The following RRAGB variants were observed in gnomAD, a reference collection of about 807,000 sequenced individuals.
The protein encoded by RRAGB is Ras related GTP binding B.
Under a neutral mutation model 29.3 loss-of-function variants are expected in RRAGB, and 6 were observed. The observed-to-expected ratio is 0.21, with a 90% CI of 0.11 to 0.40. The LOEUF (loss-of-function observed/expected upper bound fraction) is 0.40, where lower values mean the gene tolerates loss of function less well. Among genes scored for constraint, RRAGB ranks in the 10% least tolerant of loss-of-function variants. The probability of loss-of-function intolerance (pLI) is 1.00; values close to 1 mark genes in which losing one functional copy is unlikely to be tolerated. For missense variants in RRAGB, 184 were observed against 272.9 expected, an observed-to-expected ratio of 0.67 and a Z score of 2.29; for synonymous variants, 101 against 92.5, an observed-to-expected ratio of 1.09 and a Z score of -0.53.
intron 2 of RRAGB, among the ~76,000 whole-genome samples, chrX:55,721,881 G>A (rs757520442): frequency 8.9e-6 from 1 of 112,143 alleles, no homozygotes; most frequent in East Asian, 2.8e-4. Flanking sequence ...CTCTAAACTT[G>A]GTATTTTTCT....
intron 5 of RRAGB, among the ~76,000 whole-genome samples, chrX:55,741,473 C>T (rs777590671): frequency 1.1e-4 from 12 of 111,685 alleles, no homozygotes; most frequent in East Asian, 8.4e-4. Context: ...AAACATAAAG[C>T]GAGAAATGGA....
At chrX:55,734,892 A>G (rs2033815843) in intron 5 of RRAGB, among the ~76,000 whole-genome samples, 1 of 112,517 alleles carries the variant, frequency 8.9e-6, no homozygotes, top group Non-Finnish European at 1.9e-5. Context: ...AAGATCATTG[A>G]AGAATAGACT....
chrX:55,751,244 A>C (rs770262283), intron 6 of RRAGB, 48 bp downstream of exon 6: 2 of 689,477 alleles, frequency 2.9e-6, no homozygotes, highest in East Asian at 3.4e-5. Flanking sequence ...ATGAAAAAAA[A>C]CCTAGAAGGA....
chrX:55,754,010 A>G (rs2034594327), intron 7 of RRAGB, among the ~76,000 whole-genome samples: 1 of 111,627 alleles, frequency 9.0e-6, no homozygotes. Flanking sequence ...ATGCCATTGC[A>G]CTCCAGCCTG....
At chrX:55,747,400 T>A in intron 5 of RRAGB, among the ~76,000 whole-genome samples, 1 of 111,845 alleles carries the variant, frequency 8.9e-6, no homozygotes, top group Non-Finnish European at 1.9e-5. Flanking sequence ...CTGAATTTGG[T>A]TTCATCAGTC....
In RRAGB at chrX:55,748,278, C is replaced by A. The variant is rs768199664; in HGVS notation, c.517-2823C>A. The stretch of plus-strand genomic sequence containing the variant: ...CAAAGAGCCGAGATTGCAGCCTCTG[C>A]CTGCCCGCCACCCCGTCTGGGAAGT... On this transcript the variant is annotated intron_variant, in intron 5 of 9. Transcript: ENST00000374941. 2.0e-4 allele frequency among the ~76,000 whole-genome samples: 23 copies of A among 112,554 alleles called. No homozygotes were observed. In the South Asian group the frequency reaches 8.4e-3, roughly 41 times the overall value.
chrX:55,739,832 T>C (rs1447929481), intron 5 of RRAGB, among the ~76,000 whole-genome samples: 1 of 112,406 alleles, frequency 8.9e-6, no homozygotes, highest in Non-Finnish European at 1.9e-5. Flanking sequence ...AAAAATCACT[T>C]TTGATTAATC....
intron 5 of RRAGB, among the ~76,000 whole-genome samples, chrX:55,749,766 G>A (rs999652488): frequency 3.3e-4 from 36 of 110,104 alleles, no homozygotes; most frequent in Non-Finnish European, 5.5e-4. Context: ...AACATGTGCT[G>A]TGTCCACTCA....
At chrX:55,741,805 C>G (rs1039995057) in intron 5 of RRAGB, among the ~76,000 whole-genome samples, 6 of 112,009 alleles carry the variant, frequency 5.4e-5, no homozygotes, top group Non-Finnish European at 1.1e-4. Context: ...TGAAAACTAC[C>G]TTCACAGTGA....
At position 55,731,472 on chromosome X, in the gene RRAGB, G is replaced by T. The variant is rs372483043; in HGVS notation, c.402G>T (p.Lys134Asn). Residue 134 changes from lysine to asparagine, a missense_variant, in exon 5 of 10, where the codon AAG becomes AAT. Lys to Asn is a moderately conservative substitution (Grantham distance 94). Coordinates refer to ENST00000374941, the MANE Select transcript of RRAGB (RefSeq NM_006064.5). ...VFDVESRELE[K>N]DMHYYQSCLE... Reference sequence around the variant, plus strand: ...ATGTGGAGAGCCGCGAACTGGAAAAGGACATGCACTATTACCAATCATGCC... The same window carrying T: ...ATGTGGAGAGCCGCGAACTGGAAAATGACATGCACTATTACCAATCATGCC... 1.2e-5 allele frequency: 15 copies of T among 1,206,066 alleles called. No individual in the cohort carries two copies. Among genetic ancestry groups the T allele is most frequent in the Non-Finnish European group, 1.6e-5 (14 of 892,029 alleles).
intron 5 of RRAGB, among the ~76,000 whole-genome samples, chrX:55,740,349 G>A (rs1314467937): frequency 1.8e-5 from 2 of 110,596 alleles, no homozygotes; most frequent in Non-Finnish European, 1.9e-5. Context: ...TTGTGATTTT[G>A]AACCATGAAT....
At chrX:55,752,107 T>TTAA in intron 6 of RRAGB, 3 of 367,033 alleles carry the variant, frequency 8.2e-6, no homozygotes, top group Non-Finnish European at 1.0e-5. Context: ...TTTTTTTTTT[T>TTAA]AACTAATTCA....
chrX:55,733,267 C>CT (rs1159293665), intron 5 of RRAGB, among the ~76,000 whole-genome samples: 1 of 111,918 alleles, frequency 8.9e-6, no homozygotes, highest in Non-Finnish European at 1.9e-5. Context: ...GTTTGACTTC[C>CT]TTTTTTCAGT....
At chrX:55,751,991 C>T (rs890445770) in intron 6 of RRAGB, among the ~76,000 whole-genome samples, 3 of 111,122 alleles carry the variant, frequency 2.7e-5, no homozygotes, top group Admixed American at 9.6e-5. Context: ...TCACTGGTAG[C>T]TACAGCCTCA....
intron 5 of RRAGB, among the ~76,000 whole-genome samples, chrX:55,733,879 C>T (rs1480805124): frequency 9.1e-6 from 1 of 110,461 alleles, no homozygotes; most frequent in Admixed American, 9.5e-5. Context: ...GGATTGGCAT[C>T]AGTTCTTTGA....
intron 5 of RRAGB, among the ~76,000 whole-genome samples, chrX:55,748,642 G>A (rs1288758630): frequency 9.4e-5 from 10 of 105,952 alleles, no homozygotes; most frequent in South Asian, 8.6e-4. Context: ...CAACCGCCCC[G>A]CCTGAGAAGT....
chrX:55,748,153 G>A (rs1199087133), intron 5 of RRAGB, among the ~76,000 whole-genome samples: 1 of 112,898 alleles, frequency 8.9e-6, no homozygotes, highest in Non-Finnish European at 1.9e-5. Context: ...TGCAGAGGGA[G>A]TCTCGTTCAC....
intron 5 of RRAGB, among the ~76,000 whole-genome samples, chrX:55,738,463 CATAG>C (rs1438984834): frequency 8.9e-6 from 1 of 112,319 alleles, no homozygotes; most frequent in Non-Finnish European, 1.9e-5. Flanking sequence ...AGGAGAGTGA[CATAG>C]ACTCTGAAAG....
At chrX:55,737,305 G>A (rs756657460) in intron 5 of RRAGB, among the ~76,000 whole-genome samples, 1 of 112,546 alleles carries the variant, frequency 8.9e-6, no homozygotes, top group South Asian at 3.7e-4. Flanking sequence ...ATGTAAAGAG[G>A]GGTTGTGACT....
Sources: allele counts gnomAD v4.1 joint callset (sites outside exome capture counted in the v4.1 genomes callset), GRCh38; gene constraint gnomAD v4.1.1; transcripts MANE v1.5; gene names NCBI Gene and HGNC (gene_info 2026-07-23, HGNC 2026-07-21).